The following GREM2 variants were observed in gnomAD, a reference collection of about 807,000 sequenced individuals.
GREM2 encodes gremlin-2.
In GREM2, 11 loss-of-function variants were observed where a neutral mutation model predicts 14.2. The observed-to-expected ratio is 0.78, with a 90% CI of 0.49 to 1.28. The LOEUF is 1.28. Among genes scored for constraint, GREM2 ranks in the 50% most tolerant of loss-of-function variants. GREM2 has a pLI of 0.00. For synonymous variants in GREM2, 98 were observed against 97.6 expected (o/e 1.00, Z -0.02); for missense variants, 210 against 218.5 (o/e 0.96, Z 0.24).
At chr1:240,593,427 G>A (rs1201208037) in intron 1 of GREM2, among the ~76,000 whole-genome samples, 1 of 152,196 alleles carries the variant, frequency 6.6e-6, no homozygotes, top group Non-Finnish European at 1.5e-5. Context: ...CCAGTTATGA[G>A]TTGGGAGACC....
At chr1:240,560,587 A>T (rs959210635) in intron 1 of GREM2, among the ~76,000 whole-genome samples, 1 of 152,224 alleles carries the variant, frequency 6.6e-6, no homozygotes, top group Non-Finnish European at 1.5e-5. Flanking sequence ...GGGTAAATTA[A>T]TGGAAAAACA....
intron 1 of GREM2, among the ~76,000 whole-genome samples, chr1:240,548,212 T>A (rs1678777806): frequency 6.6e-6 from 1 of 152,012 alleles, no homozygotes; most frequent in African/African-American, 2.4e-5. Flanking sequence ...GAAGCGGAGA[T>A]TGCAGTGAGC....
intron 1 of GREM2, among the ~76,000 whole-genome samples, chr1:240,504,469 C>A (rs79078291): frequency 6.6e-6 from 1 of 152,150 alleles, no homozygotes; most frequent in Non-Finnish European, 1.5e-5. Context: ...TTTTCTTCCA[C>A]GAGATCTGTT....
intron 1 of GREM2, among the ~76,000 whole-genome samples, chr1:240,571,718 G>C (rs940117438): frequency 2.0e-5 from 3 of 152,032 alleles, no homozygotes; most frequent in Non-Finnish European, 2.9e-5. Context: ...AAAAGAAAAA[G>C]AAAAGAAAAA....
Position 240,531,681 on chromosome 1 carries a change from C to T in GREM2, c.-1-38205G>A, listed in dbSNP as rs1043887892. 9.1e-5 allele frequency: 89 copies of T among 982,446 alleles called. No individual in the cohort carries two copies. In the African/African-American group the frequency reaches 1.5e-3, roughly 17 times the overall value. The allele number at this position is 982,446 out of a possible 1,614,324, so 60.9% of individuals were successfully genotyped here. On this transcript the variant is annotated intron_variant, in intron 1 of 1. Transcript: ENST00000318160. Reference sequence around the variant, plus strand: ...CCTGACGTGGACTCAGCTCTGAGTGCTCTCATTTTTCTTTTCTTTTCTTTT... The same window carrying T: ...CCTGACGTGGACTCAGCTCTGAGTGTTCTCATTTTTCTTTTCTTTTCTTTT...
intron 1 of GREM2, among the ~76,000 whole-genome samples, chr1:240,609,309 T>G (rs1488883690): frequency 6.6e-6 from 1 of 152,030 alleles, no homozygotes; most frequent in African/African-American, 2.4e-5. Context: ...TAAAGACATC[T>G]TTCCAACTGG....
Position 240,542,983 on chromosome 1 carries a change from C to T in GREM2, c.-1-49507G>A, listed in dbSNP as rs937621275. On this transcript the variant is annotated intron_variant, in intron 1 of 1. Coordinates refer to ENST00000318160, the MANE Select transcript of GREM2 (RefSeq NM_022469.4). The surrounding 1 kb of genome is among the most constrained non-coding windows in gnomAD (Gnocchi z 4.1). ...AAAAAATATCACCTTCTTTGTGAAG[C>T]CTCTTACTTTCCTTCCGACCCATTG... 7.9e-5 allele frequency among the ~76,000 whole-genome samples: 12 copies of T among 152,176 alleles called. No homozygotes were observed. The highest frequency in any genetic ancestry group is 1.5e-4 in the Non-Finnish European group (10 of 68,028).
At chr1:240,498,834 A>C (rs1677496138) in intron 1 of GREM2, among the ~76,000 whole-genome samples, 1 of 152,226 alleles carries the variant, frequency 6.6e-6, no homozygotes, top group African/African-American at 2.4e-5. Flanking sequence ...ACTCATAAAT[A>C]AATCCTGTTG....
intron 1 of GREM2, among the ~76,000 whole-genome samples, chr1:240,544,731 G>A (rs1678679659): frequency 1.3e-5 from 2 of 152,066 alleles, no homozygotes; most frequent in Non-Finnish European, 2.9e-5. Context: ...TTCAAAATAT[G>A]TGTTTTTAGT....
chr1:240,585,261 C>T (rs1463857368), intron 1 of GREM2, among the ~76,000 whole-genome samples: 2 of 152,084 alleles, frequency 1.3e-5, no homozygotes, highest in African/African-American at 2.4e-5. Context: ...AAAGGAGACA[C>T]CCCCTCTTAG....
rs1014933390 is a variant in GREM2 at position 240,594,011 on chromosome 1, T to C, written c.-2+17873A>G. On this transcript the variant is annotated intron_variant, in intron 1 of 1. Transcript: ENST00000318160. ...CTCTGTTTCCTAGGCTAGAGTGCAA[T>C]GGCATGATCATAACTCACTGCAGCC... is the stretch of plus-strand genomic sequence containing the variant. Among the ~76,000 whole-genome samples the C allele has an allele frequency of 4.6e-5, 7 of 152,198 alleles. No homozygotes were observed. In the South Asian group the frequency reaches 1.5e-3, roughly 32 times the overall value.
chr1:240,550,691 A>T (rs1025828602), intron 1 of GREM2, among the ~76,000 whole-genome samples: 2 of 152,154 alleles, frequency 1.3e-5, no homozygotes, highest in African/African-American at 4.8e-5. Context: ...TTATAATGAC[A>T]TTTCCTTTTC....
intron 1 of GREM2, among the ~76,000 whole-genome samples, chr1:240,568,414 A>G (rs1679203968): frequency 1.3e-5 from 2 of 151,958 alleles, no homozygotes; most frequent in Admixed American, 1.3e-4. Flanking sequence ...AATGAAGTAA[A>G]GTGGAACAAA....
chr1:240,601,382 G>GTCT (rs1308258630), intron 1 of GREM2, among the ~76,000 whole-genome samples: 1 of 152,042 alleles, frequency 6.6e-6, no homozygotes, highest in Non-Finnish European at 1.5e-5. Flanking sequence ...CCTACATGGA[G>GTCT]TCTTATGCCT....
At chr1:240,514,035 C>T (rs1028436958) in intron 1 of GREM2, among the ~76,000 whole-genome samples, 4 of 151,888 alleles carry the variant, frequency 2.6e-5, no homozygotes, top group Admixed American at 2.0e-4. Context: ...CACCTGACGT[C>T]AGGACTTCAA....
chr1:240,593,962 T>C (rs1003193970), intron 1 of GREM2, among the ~76,000 whole-genome samples: 8 of 151,960 alleles, frequency 5.3e-5, no homozygotes, highest in African/African-American at 1.9e-4. Flanking sequence ...TTTGTTTGTT[T>C]GTTTGTTTTG....
At chr1:240,577,868 T>C (rs1679401913) in intron 1 of GREM2, among the ~76,000 whole-genome samples, 1 of 152,222 alleles carries the variant, frequency 6.6e-6, no homozygotes, top group Non-Finnish European at 1.5e-5. Context: ...TGAGCAAATC[T>C]ATATTTCTGG....
intron 1 of GREM2, among the ~76,000 whole-genome samples, chr1:240,575,625 A>G (rs2103370502): frequency 6.6e-6 from 1 of 151,760 alleles, no homozygotes. Flanking sequence ...GGTTCAAGCG[A>G]TTCTCCTGAC....
At chr1:240,583,763 A>G (rs1365492867) in intron 1 of GREM2, among the ~76,000 whole-genome samples, 1 of 151,986 alleles carries the variant, frequency 6.6e-6, no homozygotes, top group Non-Finnish European at 1.5e-5. Context: ...CACCATGCCC[A>G]GCTAACTTTT....
Sources: gnomAD v4.1 joint callset for allele counts (sites outside exome capture counted in the v4.1 genomes callset) on GRCh38, gnomAD v4.1.1 for gene constraint, Gnocchi (gnomAD v3.1) non-coding constraint, MANE v1.5 for transcripts, NCBI Gene and HGNC (gene_info 2026-07-23, HGNC 2026-07-21) for gene names.